The following PPP2R2B variants were observed in gnomAD, a reference collection of about 807,000 sequenced individuals.
The protein encoded by PPP2R2B is serine/threonine-protein phosphatase 2A 55 kDa regulatory subunit B beta isoform.
In PPP2R2B, 5 loss-of-function variants were observed where a neutral mutation model predicts 46.0. The ratio of observed to expected loss-of-function variants is 0.11; its 90% CI spans 0.06 to 0.23. The LOEUF (loss-of-function observed/expected upper bound fraction) is 0.23. Ranked by LOEUF, PPP2R2B falls within the 10% of genes least tolerant of loss-of-function variation. The pLI is 1.00. For missense variants in PPP2R2B, 367 were observed against 575.0 expected (o/e 0.64, Z 3.70); for synonymous variants, 215 against 206.7 (o/e 1.04, Z -0.34).
At chr5:146,919,635 A>G (rs1763521485) in intron 1 of PPP2R2B, 1 of 152,188 alleles carries the variant, frequency 6.6e-6, no homozygotes, top group African/African-American at 2.4e-5. Context: ...GGGGCAGCAG[A>G]TGACTATGTT....
intron 2 of PPP2R2B, among the ~76,000 whole-genome samples, chr5:146,872,647 GT>G (rs2151412775): frequency 6.6e-6 from 1 of 152,196 alleles, no homozygotes; most frequent in East Asian, 1.9e-4. Context: ...AAAAGCTAAT[GT>G]ATTTCACAAA....
Position 146,635,698 on chromosome 5 carries a change from T to C in PPP2R2B, c.790+2553A>G, listed in dbSNP as rs535213644. Among the ~76,000 whole-genome samples, 11 of 152,370 alleles carry C rather than the reference T, an allele frequency of 7.2e-5. No individual in the cohort carries two copies. The East Asian group carries it at 1.5e-3, about 21-fold the overall frequency. On this transcript the variant is annotated intron_variant, in intron 7 of 9. Coordinates refer to ENST00000394411, the MANE Select transcript of PPP2R2B (RefSeq NM_181675.4). ...GTCACCTCACCCACAGCATGTCCGG[T>C]ACTGAGTCCCAACCCTTCACTCTCT...
intron 2 of PPP2R2B, among the ~76,000 whole-genome samples, chr5:146,817,914 A>C (rs1405522565): frequency 1.3e-5 from 2 of 152,166 alleles, no homozygotes; most frequent in Non-Finnish European, 2.9e-5. Context: ...CCATCCTCCC[A>C]TTTGCTCACA....
intron 1 of PPP2R2B, among the ~76,000 whole-genome samples, chr5:146,955,966 A>T (rs1198630045): frequency 2.0e-5 from 3 of 151,434 alleles, no homozygotes; most frequent in Non-Finnish European, 4.4e-5. Context: ...TTTAATAGAG[A>T]TGGGGTTTCA....
chr5:146,931,317 G>A (rs1763962598), intron 1 of PPP2R2B, among the ~76,000 whole-genome samples: 1 of 152,124 alleles, frequency 6.6e-6, no homozygotes, highest in South Asian at 2.1e-4. Flanking sequence ...GGAAATGGAG[G>A]TAAGAAGATT....
At chr5:146,633,551 G>A (rs61056451) in intron 7 of PPP2R2B, among the ~76,000 whole-genome samples, 5,738 of 152,368 alleles carry the variant, frequency 0.038, 276 homozygotes, top group East Asian at 0.23. Flanking sequence ...TTCTTTGAAG[G>A]AGTCAGGAAA....
intron 1 of PPP2R2B, among the ~76,000 whole-genome samples, chr5:147,004,370 T>C (rs1396645685): frequency 6.6e-6 from 1 of 151,886 alleles, no homozygotes; most frequent in East Asian, 2.0e-4. Flanking sequence ...CCAGCTCATG[T>C]CATCACCCTT....
chr5:146,828,003 G>C (rs1482674908), intron 2 of PPP2R2B, among the ~76,000 whole-genome samples: 4 of 62,214 alleles, frequency 6.4e-5, no homozygotes, highest in Admixed American at 4.9e-4. Context: ...TAGTTGAAGA[G>C]AGAGAGAGAG....
chr5:147,069,789 T>TTTTTTTC (rs1757526234), intron 2 of PPP2R2B, among the ~76,000 whole-genome samples: 1 of 114,664 alleles, frequency 8.7e-6, no homozygotes, highest in Non-Finnish European at 1.8e-5. Flanking sequence ...TATACTGTTT[T>TTTTTTTC]TTTTTTTTTT....
intron 2 of PPP2R2B, among the ~76,000 whole-genome samples, chr5:146,702,872 A>C (rs923176619): frequency 1.3e-5 from 2 of 152,206 alleles, no homozygotes; most frequent in Non-Finnish European, 2.9e-5. Context: ...TACCTTAAGG[A>C]AACACAAAAT....
chr5:146,968,251 G>A lies in PPP2R2B; in HGVS notation c.79+87414C>T, dbSNP rs140375369. Among the ~76,000 whole-genome samples the A allele has an allele frequency of 8.5e-5, 13 of 152,308 alleles. No individual in the cohort carries two copies. The East Asian group carries it at 2.5e-3, about 29-fold the overall frequency. On this transcript the variant is annotated intron_variant, in intron 1 of 8. Transcript: ENST00000336640. ...AACCTTTCCTCCAAATAAATAGGCA[G>A]TGATGGTGTTTAGGGACATTCTGGG...
intron 1 of PPP2R2B, among the ~76,000 whole-genome samples, chr5:146,999,173 T>A (rs1186532532): frequency 6.6e-6 from 1 of 152,186 alleles, no homozygotes; most frequent in South Asian, 2.1e-4. Flanking sequence ...CTAGCTGCTA[T>A]GGACTCAGTG....
chr5:146,983,616 A>C (rs573724941), intron 1 of PPP2R2B, among the ~76,000 whole-genome samples: 2 of 152,144 alleles, frequency 1.3e-5, no homozygotes, highest in Admixed American at 6.5e-5. Context: ...CTCCCTTTAC[A>C]CTAGTTTATT....
At chr5:147,040,623 A>G (rs1413347762) in intron 1 of PPP2R2B, 1 of 355,372 alleles carries the variant, frequency 2.8e-6, no homozygotes, top group African/African-American at 2.1e-5. Context: ...TTACTTAGTG[A>G]TGCTTCAGGG....
chr5:147,063,573 G>A (rs1020609442), intron 2 of PPP2R2B, among the ~76,000 whole-genome samples: 1 of 152,106 alleles, frequency 6.6e-6, no homozygotes, highest in Admixed American at 6.6e-5. Flanking sequence ...AGTAAATCCA[G>A]AATGTGCTTC....
At chr5:146,794,600 A>T (rs1181786038) in intron 2 of PPP2R2B, among the ~76,000 whole-genome samples, 2 of 152,152 alleles carry the variant, frequency 1.3e-5, no homozygotes, top group Admixed American at 6.6e-5. Flanking sequence ...TGCGCATATA[A>T]CTCCAATAAT....
chr5:146,705,482 TCATCCCAG>T (rs1779781477), intron 2 of PPP2R2B, among the ~76,000 whole-genome samples: 1 of 152,156 alleles, frequency 6.6e-6, no homozygotes, highest in Non-Finnish European at 1.5e-5. Flanking sequence ...GTATCATTTG[TCATCCCAG>T]CACAGAGGCT....
chr5:146,937,032 T>G (rs969089187), intron 1 of PPP2R2B, among the ~76,000 whole-genome samples: 3 of 152,190 alleles, frequency 2.0e-5, no homozygotes, highest in Non-Finnish European at 4.4e-5. Context: ...CTAGGTGTGG[T>G]TGCTCACGTC....
chr5:146,665,910 C>G (rs747376247), intron 5 of PPP2R2B, among the ~76,000 whole-genome samples: 16 of 152,098 alleles, frequency 1.1e-4, no homozygotes, highest in Non-Finnish European at 2.1e-4. Context: ...ACATGCTGCT[C>G]GAAAAATGGT....
Sources: allele counts gnomAD v4.1 joint callset (sites outside exome capture counted in the v4.1 genomes callset), GRCh38; gene constraint gnomAD v4.1.1; transcripts MANE v1.5; gene names NCBI Gene and HGNC (gene_info 2026-07-23, HGNC 2026-07-21).